Variants in AGPAT3 observed in about 807,000 individuals in gnomAD.
AGPAT3 encodes the protein 1-acyl-sn-glycerol-3-phosphate acyltransferase gamma.
In AGPAT3, 5 loss-of-function variants were observed where a neutral mutation model predicts 47.3. The ratio of observed to expected loss-of-function variants is 0.11; its 90% CI spans 0.06 to 0.22. AGPAT3 has a LOEUF of 0.22. Among genes scored for constraint, AGPAT3 ranks in the 10% least tolerant of loss-of-function variants. The probability of loss-of-function intolerance (pLI) is 1.00; values close to 1 mark genes in which losing one functional copy is unlikely to be tolerated. For synonymous variants in AGPAT3, 212 were observed against 208.3 expected, an observed-to-expected ratio of 1.02 and a Z score of -0.15; for missense variants, 315 against 493.0, an observed-to-expected ratio of 0.64 and a Z score of 3.42.
At chr21:43,929,846 C>T (rs987115670) in intron 2 of AGPAT3, among the ~76,000 whole-genome samples, 7 of 152,228 alleles carry the variant, frequency 4.6e-5, no homozygotes, top group East Asian at 3.8e-4. Flanking sequence ...GGACAGCTCC[C>T]GCCTGGCTGA....
At chr21:43,926,009 T>C in intron 2 of AGPAT3, among the ~76,000 whole-genome samples, 1 of 152,254 alleles carries the variant, frequency 6.6e-6, no homozygotes, top group East Asian at 1.9e-4. Context: ...AGGTACTGGA[T>C]TTCAGTGTCC....
At position 43,874,643 on chromosome 21, in the gene AGPAT3, T is replaced by G. The variant is rs2085694596; in HGVS notation, c.-112+9298T>G. Among the ~76,000 whole-genome samples the G allele has an allele frequency of 2.6e-5, 4 of 152,246 alleles. No homozygotes were observed. The South Asian group carries it at 6.2e-4, about 24-fold the overall frequency. On this transcript the variant is annotated intron_variant, in intron 1 of 9. Coordinates refer to ENST00000291572, the MANE Select transcript of AGPAT3 (RefSeq NM_020132.5). ...GTTAGGAAGCCAGCTGTCATTTCAATTGTCCTTCCTGTGTCAGTAGTAAGC... is the reference window on the plus strand; with the variant it reads ...GTTAGGAAGCCAGCTGTCATTTCAAGTGTCCTTCCTGTGTCAGTAGTAAGC...
rs760022388 is a variant in AGPAT3, at chr21:43,969,288, G to A, written c.510+9G>A. 1.6e-5 allele frequency: 26 copies of A among 1,613,992 alleles called. 1 individual carries two copies. The highest frequency in any genetic ancestry group is 1.6e-4 in the East Asian group (7 of 44,884). ...ACCCCGAGTACATGTGGGTGAGTGC[G>A]CGGAGCAGCCCGATACCCTGCATGC... On this transcript the variant is annotated intron_variant, in intron 5 of 9. Transcript: ENST00000291572.
At chr21:43,960,081 C>T (rs962704368) in intron 3 of AGPAT3, among the ~76,000 whole-genome samples, 4 of 152,210 alleles carry the variant, frequency 2.6e-5, no homozygotes, top group African/African-American at 9.7e-5. Flanking sequence ...ATAGCAATGG[C>T]AGCTTCCCAC....
chr21:43,896,057 T>G (rs1281320021), intron 1 of AGPAT3, among the ~76,000 whole-genome samples: 1 of 152,094 alleles, frequency 6.6e-6, no homozygotes, highest in Non-Finnish European at 1.5e-5. Flanking sequence ...CATGAGCCAC[T>G]GCGCCCGGCC....
At chr21:43,956,417 A>C (rs977447505) in intron 2 of AGPAT3, among the ~76,000 whole-genome samples, 1 of 152,146 alleles carries the variant, frequency 6.6e-6, no homozygotes, top group African/African-American at 2.4e-5. Flanking sequence ...TCACCTGTCA[A>C]CTGGGGCAGT....
chr21:43,962,297 C>A (rs898912321), intron 3 of AGPAT3, among the ~76,000 whole-genome samples: 3 of 152,110 alleles, frequency 2.0e-5, no homozygotes, highest in African/African-American at 4.8e-5. Flanking sequence ...CCACCGCGCC[C>A]GGCCAGTTTG....
Position 43,952,692 on chromosome 21 carries a change from C to T in AGPAT3, c.-48-6942C>T, listed in dbSNP as rs1212474250. ...GACGCGCTGGCACCAAGCTTCTGGG[C>T]GACCTAAACCTGTTGTTTAATGAAG... is the stretch of plus-strand genomic sequence containing the variant. On this transcript the variant is annotated intron_variant, in intron 2 of 9. Coordinates refer to ENST00000291572, the MANE Select transcript of AGPAT3 (RefSeq NM_020132.5). This position sits in a 1 kb window ranked among gnomAD's most constrained non-coding sequence, Gnocchi z 5.6. Among the ~76,000 whole-genome samples, 1 of 151,934 alleles carries T rather than the reference C, an allele frequency of 6.6e-6. No individual in the cohort carries two copies. Among genetic ancestry groups the T allele is most frequent in the East Asian group, 1.9e-4 (1 of 5,146 alleles).
chr21:43,942,415 T>C (rs1450175376), intron 2 of AGPAT3, among the ~76,000 whole-genome samples: 2 of 152,174 alleles, frequency 1.3e-5, no homozygotes, highest in African/African-American at 2.4e-5. Flanking sequence ...GAGGCGCTCC[T>C]GAAGCACCTC....
intron 2 of AGPAT3, among the ~76,000 whole-genome samples, chr21:43,907,364 G>A (rs781661654): frequency 1.3e-5 from 2 of 151,988 alleles, no homozygotes; most frequent in East Asian, 1.9e-4. Context: ...TCATCCAGCC[G>A]CATGCTGAAG....
At chr21:43,956,879 A>G (rs1231282495) in intron 2 of AGPAT3, among the ~76,000 whole-genome samples, 2 of 152,212 alleles carry the variant, frequency 1.3e-5, no homozygotes, top group African/African-American at 4.8e-5. Context: ...TTTGTGACCT[A>G]GCCTTGGCAA....
intron 1 of AGPAT3, among the ~76,000 whole-genome samples, chr21:43,878,079 C>T (rs560257028): frequency 1.8e-4 from 27 of 152,242 alleles, no homozygotes; most frequent in South Asian, 4.2e-4. Flanking sequence ...TTTCAGTGGC[C>T]CTGCGCTTTC....
At position 43,920,902 on chromosome 21, in the gene AGPAT3, G is replaced by A. The variant is rs2086877186; in HGVS notation, c.-49+16883G>A. ...GCACTTTGGGAGGCTGAGGCGGGCA[G>A]ATCACGAGGTCAGGAGATCAAGACC... On this transcript the variant is annotated intron_variant, in intron 2 of 9. Coordinates refer to ENST00000291572, the MANE Select transcript of AGPAT3 (RefSeq NM_020132.5). This position sits in a 1 kb window ranked among gnomAD's most constrained non-coding sequence, Gnocchi z 6.1. Among the ~76,000 whole-genome samples the A allele has an allele frequency of 1.3e-5, 2 of 152,208 alleles. No individual in the cohort carries two copies. Among genetic ancestry groups the A allele is most frequent in the East Asian group, 1.9e-4 (1 of 5,196 alleles).
At chr21:43,940,976 T>C (rs1569077420) in intron 2 of AGPAT3, among the ~76,000 whole-genome samples, 1 of 152,212 alleles carries the variant, frequency 6.6e-6, no homozygotes, top group African/African-American at 2.4e-5. Flanking sequence ...AGGCCTCCAG[T>C]GCTCGTTGGT....
At chr21:43,913,165 A>T (rs963405066) in intron 2 of AGPAT3, among the ~76,000 whole-genome samples, 14 of 147,846 alleles carry the variant, frequency 9.5e-5, no homozygotes, top group African/African-American at 3.8e-4. Context: ...TTCATGAAAC[A>T]GATCCACATG....
At chr21:43,888,284 C>T (rs1056763729) in intron 1 of AGPAT3, among the ~76,000 whole-genome samples, 5 of 152,224 alleles carry the variant, frequency 3.3e-5, no homozygotes, top group Admixed American at 6.5e-5. Flanking sequence ...AAGCAATCCT[C>T]CTGTCTCAGC....
At position 43,934,646 on chromosome 21, in the gene AGPAT3, C is replaced by T. The variant is rs1569073734; in HGVS notation, c.-48-24988C>T. Among the ~76,000 whole-genome samples, 1 of 152,170 alleles carries T rather than the reference C, an allele frequency of 6.6e-6. No individual in the cohort carries two copies. Among genetic ancestry groups the T allele is most frequent in the Non-Finnish European group, 1.5e-5 (1 of 68,018 alleles). ...GCGGGAACCTGTGGAGGGGCGGGCTCAAGCCCTGGTCGTGAGCAGGATGAC... is the reference window on the plus strand; with the variant it reads ...GCGGGAACCTGTGGAGGGGCGGGCTTAAGCCCTGGTCGTGAGCAGGATGAC... On this transcript the variant is annotated intron_variant, in intron 2 of 9. Transcript: ENST00000291572. The surrounding 1 kb of genome is among the most constrained non-coding windows in gnomAD (Gnocchi z 4.7).
At chr21:43,953,720 T>C (rs2088313130) in intron 2 of AGPAT3, among the ~76,000 whole-genome samples, 1 of 152,232 alleles carries the variant, frequency 6.6e-6, no homozygotes, top group African/African-American at 2.4e-5. Flanking sequence ...TGTCAAATCA[T>C]GATGGCATTT....
In AGPAT3 at chr21:43,920,325, G is replaced by A. The variant is rs2086864819; in HGVS notation, c.-49+16306G>A. ...GTGTGAGTGTTGAATGTGTGTGTGA[G>A]TGTGACTCGGCTGAGAGGAGACAGC... On this transcript the variant is annotated intron_variant, in intron 2 of 9. Coordinates refer to ENST00000291572, the MANE Select transcript of AGPAT3 (RefSeq NM_020132.5). This position sits in a 1 kb window ranked among gnomAD's most constrained non-coding sequence, Gnocchi z 6.1. 6.6e-6 allele frequency among the ~76,000 whole-genome samples: 1 copy of A among 152,156 alleles called. No individual in the cohort carries two copies. The highest frequency in any genetic ancestry group is 2.4e-5 in the African/African-American group (1 of 41,430).
Sources: allele counts gnomAD v4.1 joint callset (sites outside exome capture counted in the v4.1 genomes callset), GRCh38; gene constraint gnomAD v4.1.1; non-coding constraint Gnocchi (gnomAD v3.1); transcripts MANE v1.5; gene names NCBI Gene and HGNC (gene_info 2026-07-23, HGNC 2026-07-21).